ONECUT2: variants seen among roughly 807,000 people sequenced by gnomAD.
ONECUT2 encodes one cut domain family member 2.
Under a neutral mutation model 27.9 loss-of-function variants are expected in ONECUT2, and 10 were observed. The observed-to-expected ratio is 0.36, with a 90% confidence interval of 0.22 to 0.61. The LOEUF (loss-of-function observed/expected upper bound fraction) is 0.61, where lower values mean the gene tolerates loss of function less well. Ranked by LOEUF, ONECUT2 falls within the 20% of genes least tolerant of loss-of-function variation. The pLI, the probability that ONECUT2 is intolerant of heterozygous loss-of-function variation, is 0.73. For synonymous variants in ONECUT2, 334 were observed against 315.1 expected (o/e 1.06, Z -0.64); for missense variants, 686 against 721.0 (o/e 0.95, Z 0.56).
intron 1 of ONECUT2, among the ~76,000 whole-genome samples, chr18:57,441,263 A>G (rs1185593769): frequency 6.6e-6 from 1 of 152,232 alleles, no homozygotes; most frequent in Non-Finnish European, 1.5e-5. Context: ...CAATAACGTA[A>G]ACGTGTGGAC....
Position 57,436,975 on chromosome 18 carries a change from G to C in ONECUT2, c.1228+31G>C, listed in dbSNP as rs2050146341. 3.2e-6 allele frequency: 5 copies of C among 1,541,580 alleles called. No individual in the cohort carries two copies. The East Asian group carries it at 1.2e-4, about 37-fold the overall frequency. ...GCCGGGGCTAGCCAGGGGCCAGGCT[G>C]CTGGGAAGAGGGCTCCGGGTCCGGT... On this transcript the variant is annotated intron_variant, in intron 1 of 1. Coordinates refer to ENST00000491143, the MANE Select transcript of ONECUT2 (RefSeq NM_004852.3). This position sits in a 1 kb window ranked among gnomAD's most constrained non-coding sequence, Gnocchi z 5.9.
chr18:57,462,906 A>G (rs1212576471), intron 1 of ONECUT2, among the ~76,000 whole-genome samples: 1 of 151,260 alleles, frequency 6.6e-6, no homozygotes, highest in East Asian at 1.9e-4. Flanking sequence ...TAATTTTTGT[A>G]TTTTTAGTAG....
rs8084291 is a variant in ONECUT2, at chr18:57,473,088, G to A, written c.1229-3349G>A. Reference sequence around the variant, plus strand: ...TAGTGGTTTCTACATCTTAAAAGGGGCTGCAGAGGTTTATAGAAGCACAGA... The same window carrying A: ...TAGTGGTTTCTACATCTTAAAAGGGACTGCAGAGGTTTATAGAAGCACAGA... On this transcript the variant is annotated intron_variant, in intron 1 of 1. Coordinates refer to ENST00000491143, the MANE Select transcript of ONECUT2 (RefSeq NM_004852.3). Among the ~76,000 whole-genome samples, 982 of 152,298 alleles carry A rather than the reference G, an allele frequency of 6.4e-3. 12 individuals carry two copies. Among genetic ancestry groups the A allele is most frequent in the African/African-American group, 0.021 (892 of 41,560 alleles).
intron 1 of ONECUT2, among the ~76,000 whole-genome samples, chr18:57,460,060 C>G (rs887031172): frequency 2.6e-5 from 4 of 152,148 alleles, no homozygotes; most frequent in African/African-American, 9.7e-5. Flanking sequence ...GCAGCTAGGA[C>G]TACAGGTGCC....
In ONECUT2 at chr18:57,437,002, C is replaced by A. The variant is rs1018783653; in HGVS notation, c.1228+58C>A. On this transcript the variant is annotated intron_variant, in intron 1 of 1. Transcript: ENST00000491143. The stretch of plus-strand genomic sequence containing the variant: ...TGGGAAGAGGGCTCCGGGTCCGGTG[C>A]TTGTGGCCCAAGTCTGCGCGCCGAG... 3.3e-6 allele frequency: 5 copies of A among 1,513,544 alleles called. No individual in the cohort carries two copies. The African/African-American group carries it at 6.9e-5, about 21-fold the overall frequency. The allele number at this position is 1,513,544 out of a possible 1,614,324, so 93.8% of individuals were successfully genotyped here.
intron 1 of ONECUT2, among the ~76,000 whole-genome samples, chr18:57,464,859 G>C (rs964534880): frequency 6.6e-6 from 1 of 152,128 alleles, no homozygotes; most frequent in African/African-American, 2.4e-5. Context: ...TCACATTCTT[G>C]AGCTTTTAAG....
chr18:57,470,845 C>T (rs1012698998), intron 1 of ONECUT2, among the ~76,000 whole-genome samples: 2 of 152,076 alleles, frequency 1.3e-5, no homozygotes, highest in African/African-American at 2.4e-5. Context: ...ATGGGCCCTC[C>T]CCCATCTCTC....
intron 1 of ONECUT2, among the ~76,000 whole-genome samples, chr18:57,464,400 T>C (rs1194656602): frequency 2.0e-5 from 3 of 152,196 alleles, no homozygotes; most frequent in Non-Finnish European, 4.4e-5. Flanking sequence ...CTTACACCCC[T>C]CATCTGAAAT....
chr18:57,486,637 C>T lies in ONECUT2; in HGVS notation c.*9914C>T, dbSNP rs549032275. 16 of 152,434 alleles carry T rather than the reference C, an allele frequency of 1.0e-4. No individual in the cohort carries two copies. The highest frequency in any genetic ancestry group is 3.6e-4 in the African/African-American group (15 of 41,468). The allele number at this position is 152,434 out of a possible 1,614,324, so 9.4% of individuals were successfully genotyped here. On this transcript the variant is annotated 3_prime_UTR_variant, in exon 2 of 2. Transcript: ENST00000491143. ...AGAAAAAAGAAAAAAAAGCTTTATA[C>T]GTTTTAGGTTGTGCTTTTGTAATAG...
chr18:57,445,386 T>C (rs1232381883), intron 1 of ONECUT2, among the ~76,000 whole-genome samples: 1 of 152,208 alleles, frequency 6.6e-6, no homozygotes, highest in African/African-American at 2.4e-5. Flanking sequence ...TCAGTATCCC[T>C]CTTGCTTGTA....
intron 1 of ONECUT2, among the ~76,000 whole-genome samples, chr18:57,443,932 C>T (rs1332590103): frequency 1.3e-5 from 2 of 152,232 alleles, no homozygotes; most frequent in Non-Finnish European, 2.9e-5. Flanking sequence ...TGGAAGCACA[C>T]CTCCAATGTA....
intron 1 of ONECUT2, among the ~76,000 whole-genome samples, chr18:57,457,248 G>A (rs1053693649): frequency 1.3e-5 from 2 of 152,274 alleles, no homozygotes; most frequent in East Asian, 1.9e-4. Context: ...ATGGGAATGA[G>A]GTCAAATAAA....
chr18:57,445,148 T>C (rs146432026), intron 1 of ONECUT2, among the ~76,000 whole-genome samples: 174 of 152,358 alleles, frequency 1.1e-3, no homozygotes, highest in African/African-American at 4.1e-3. Context: ...ATTGGTTCAC[T>C]TAAAAGCAGT....
chr18:57,451,239 T>A (rs1248285793), intron 1 of ONECUT2, among the ~76,000 whole-genome samples: 1 of 152,264 alleles, frequency 6.6e-6, no homozygotes, highest in Non-Finnish European at 1.5e-5. Flanking sequence ...TAGTGTTAAA[T>A]GAAAGCATTC....
rs2050432129 is a variant in ONECUT2, at chr18:57,485,078, T to G, written c.*8355T>G. On this transcript the variant is annotated 3_prime_UTR_variant, in exon 2 of 2. Coordinates refer to ENST00000491143, the MANE Select transcript of ONECUT2 (RefSeq NM_004852.3). ...GAAAAACATGTTGATCCCAATGATGTGATCACTTTTGAACCTTTCCATTAC... is the reference window on the plus strand; with the variant it reads ...GAAAAACATGTTGATCCCAATGATGGGATCACTTTTGAACCTTTCCATTAC... The G allele has an allele frequency of 6.6e-6, 1 of 152,214 alleles. No individual in the cohort carries two copies. The highest frequency in any genetic ancestry group is 1.5e-5 in the Non-Finnish European group (1 of 68,032). 9.4% of individuals were successfully genotyped at this position (152,214 alleles called of 1,614,324 possible). A position where few individuals can be genotyped will look rare whatever the true frequency, so the allele number is the denominator to read the frequency against.
Position 57,436,641 on chromosome 18 carries a change from G to C in ONECUT2, c.925G>C (p.Ala309Pro). ...CACTCAGTCTCACGGGCCGGTGCTG[G>C]CACCCAGTCGCGAGCGGCCACCCTC... ...GHTQSHGPVL[A>P]PSRERPPSSS... is the part of the protein sequence containing the mutation. Residue 309 changes from alanine to proline, a missense_variant, in exon 1 of 2, where the codon GCA becomes CCA. Transcript: ENST00000491143. This position sits in a 1 kb window ranked among gnomAD's most constrained non-coding sequence, Gnocchi z 5.9. 6.2e-7 allele frequency: 1 copy of C among 1,611,944 alleles called. No homozygotes were observed. The highest frequency in any genetic ancestry group is 8.5e-7 in the Non-Finnish European group (1 of 1,179,892).
intron 1 of ONECUT2, among the ~76,000 whole-genome samples, chr18:57,465,411 G>C (rs1240146616): frequency 6.6e-6 from 1 of 152,174 alleles, no homozygotes; most frequent in Non-Finnish European, 1.5e-5. Context: ...CAATCCGCCC[G>C]CCTTGGCCTC....
intron 1 of ONECUT2, among the ~76,000 whole-genome samples, chr18:57,468,213 G>A (rs1455896285): frequency 6.6e-6 from 1 of 152,212 alleles, no homozygotes; most frequent in Admixed American, 6.5e-5. Flanking sequence ...TGGTCTGGAC[G>A]TCACTGGCTC....
At chr18:57,440,103 C>A (rs2050166163) in intron 1 of ONECUT2, among the ~76,000 whole-genome samples, 1 of 152,222 alleles carries the variant, frequency 6.6e-6, no homozygotes, top group Non-Finnish European at 1.5e-5. Flanking sequence ...AAATTGACTC[C>A]AAATGCACGG....
Sources: allele counts gnomAD v4.1 joint callset (sites outside exome capture counted in the v4.1 genomes callset), GRCh38; gene constraint gnomAD v4.1.1; non-coding constraint Gnocchi (gnomAD v3.1); transcripts MANE v1.5; gene names NCBI Gene and HGNC (gene_info 2026-07-23, HGNC 2026-07-21).